Variants in ZC3H12D observed in about 807,000 individuals in gnomAD.
ZC3H12D encodes the protein zinc finger CCCH-type containing 12D, also known as probable ribonuclease ZC3H12D.
ZC3H12D carries 11 observed loss-of-function variants against 24.2 expected under a neutral mutation model. The observed-to-expected ratio is 0.46, with a 90% confidence interval of 0.29 to 0.75. ZC3H12D has a LOEUF of 0.75. Ranked by LOEUF, ZC3H12D falls within the 30% of genes least tolerant of loss-of-function variation. The pLI is 0.11. For synonymous variants in ZC3H12D, 333 were observed against 341.8 expected (o/e 0.97, Z 0.28); for missense variants, 740 against 767.7 (o/e 0.96, Z 0.43).
chr6:149,449,906 T>C lies in ZC3H12D; in HGVS notation c.*777A>G, dbSNP rs1176338018. ...TATGTGTCTGTGTGGTGTGTGTGAG[T>C]ATGTACATGTATGATAGACTGTGTG... is the stretch of plus-strand genomic sequence containing the variant. On this transcript the variant is annotated 3_prime_UTR_variant, in exon 6 of 6. Coordinates refer to ENST00000409806, the MANE Select transcript of ZC3H12D (RefSeq NM_207360.3). The C allele has an allele frequency of 7.4e-6, 1 of 134,768 alleles. No homozygotes were observed. The highest frequency in any genetic ancestry group is 1.6e-5 in the Non-Finnish European group (1 of 63,102). The allele number at this position is 134,768 out of a possible 1,614,324, so 8.3% of individuals were successfully genotyped here.
At chr6:149,454,182 TGGAGCCCTAATGA>T (rs1436092867) in intron 4 of ZC3H12D, among the ~76,000 whole-genome samples, 2 of 152,214 alleles carry the variant, frequency 1.3e-5, no homozygotes, top group East Asian at 3.8e-4. Context: ...CTCCCTGGCA[TGGAGCCCTAATGA>T]GGAAGGGAAT....
In ZC3H12D at chr6:149,451,306, C is replaced by A; in HGVS notation, c.961G>T (p.Ala321Ser). 1 of 1,327,188 alleles carries A rather than the reference C, an allele frequency of 7.5e-7. No homozygotes were observed. The highest frequency in any genetic ancestry group is 9.5e-7 in the Non-Finnish European group (1 of 1,048,478). 82.2% of individuals were successfully genotyped at this position (1,327,188 alleles called of 1,614,324 possible). A position where few individuals can be genotyped will look rare whatever the true frequency, so the allele number is the denominator to read the frequency against. Residue 321 changes from alanine (A) to serine (S), a missense_variant, in exon 6 of 6, where the codon GCC becomes TCC. Ala to Ser is a moderately conservative substitution (Grantham distance 99, BLOSUM62 1). Coordinates refer to ENST00000409806, the MANE Select transcript of ZC3H12D (RefSeq NM_207360.3). ...CTGTGCGCAAATGGTTCCCGGGGGG[C>A]CGCCCGGGCTCCTGCGGAGCCGCCC... ...APGGSAGARAAPREPFAHSLP... is the reference protein window; with the variant it reads ...APGGSAGARASPREPFAHSLP...
At chr6:149,478,534 G>A (rs1239880252) in intron 1 of ZC3H12D, among the ~76,000 whole-genome samples, 2 of 152,056 alleles carry the variant, frequency 1.3e-5, no homozygotes, top group Non-Finnish European at 2.9e-5. Context: ...CATATCCAGC[G>A]ATAGATAGAA....
In ZC3H12D at chr6:149,450,981, G is replaced by T; in HGVS notation, c.1286C>A (p.Pro429Gln). 1.3e-6 allele frequency: 2 copies of T among 1,520,874 alleles called. No homozygotes were observed. Among genetic ancestry groups the T allele is most frequent in the Non-Finnish European group, 1.8e-6 (2 of 1,137,654 alleles). The allele number at this position is 1,520,874 out of a possible 1,614,324, so 94.2% of individuals were successfully genotyped here. Residue 429 changes from proline (P) to glutamine (Q), a missense_variant, in exon 6 of 6, where the codon CCG becomes CAG. Transcript: ENST00000409806. ...CCACGGGTCGTCGGGTGGCCTGCGC[G>T]GGGAAAGCAAGTCGCCGTGCAGGTC... ...PRDLHGDLLS[P>Q]RRPPDDPWAR...
chr6:149,455,957 A>AC (rs1315158205), intron 4 of ZC3H12D, among the ~76,000 whole-genome samples: 76 of 151,456 alleles, frequency 5.0e-4, no homozygotes, highest in African/African-American at 1.6e-3. Flanking sequence ...TTTGATTTAA[A>AC]AAAAAAAAAA....
At chr6:149,464,961 T>C (rs756865721) in intron 2 of ZC3H12D, among the ~76,000 whole-genome samples, 1 of 152,178 alleles carries the variant, frequency 6.6e-6, no homozygotes, top group Non-Finnish European at 1.5e-5. Context: ...AGCCAACCCA[T>C]ATGCAGACAA....
chr6:149,457,680 G>T (rs1776005779), intron 3 of ZC3H12D, among the ~76,000 whole-genome samples: 1 of 152,190 alleles, frequency 6.6e-6, no homozygotes, highest in South Asian at 2.1e-4. Context: ...ACATGCACCA[G>T]ATGGTACAAA....
At chr6:149,473,076 G>C (rs1026043073) in intron 2 of ZC3H12D, among the ~76,000 whole-genome samples, 1 of 151,552 alleles carries the variant, frequency 6.6e-6, no homozygotes, top group Non-Finnish European at 1.5e-5. Context: ...AGGAGAAAGA[G>C]AGGGCTCCAT....
chr6:149,464,391 G>T (rs1215081678), intron 2 of ZC3H12D, among the ~76,000 whole-genome samples: 1 of 152,140 alleles, frequency 6.6e-6, no homozygotes, highest in Non-Finnish European at 1.5e-5. Flanking sequence ...AAATCAACTG[G>T]ACTCAGCCAT....
rs1469388599 is a variant in ZC3H12D at position 149,478,118 on chromosome 6, G to C, written c.-70-3505C>G. 3.4e-5 allele frequency among the ~76,000 whole-genome samples: 5 copies of C among 146,484 alleles called. No individual in the cohort carries two copies. In the East Asian group the frequency reaches 9.9e-4, roughly 29 times the overall value. ...GGAGGGAGAGGTTGTGGTAAGCCGG[G>C]ATCATGCCACTGCACTCCAGCCTGG... On this transcript the variant is annotated intron_variant, in intron 1 of 5. Coordinates refer to ENST00000409806, the MANE Select transcript of ZC3H12D (RefSeq NM_207360.3).
chr6:149,478,771 A>C (rs1776380564), intron 1 of ZC3H12D, among the ~76,000 whole-genome samples: 1 of 151,782 alleles, frequency 6.6e-6, no homozygotes. Context: ...TCTATCTCCT[A>C]CTGTCCTCTG....
chr6:149,453,287 G>A (rs1583183584), intron 4 of ZC3H12D, among the ~76,000 whole-genome samples: 1 of 127,066 alleles, frequency 7.9e-6, no homozygotes, highest in East Asian at 2.6e-4. Flanking sequence ...GTAACAGAGT[G>A]AGATCCTGGC....
chr6:149,451,466 G>A lies in ZC3H12D; in HGVS notation c.801C>T (p.Thr267=). 6.4e-7 allele frequency: 1 copy of A among 1,573,420 alleles called. No homozygotes were observed. The highest frequency in any genetic ancestry group is 8.6e-7 in the Non-Finnish European group (1 of 1,169,486). ...WQHCPYGKKC[T]YGIKCKFYHP... is the part of the protein sequence containing the mutation. The stretch of plus-strand genomic sequence containing the variant: ...GGTAGAACTTGCACTTGATGCCATA[G>A]GTGCATTTCTTGCCTGAAAGGGGCG... The change falls in exon 6 of 6, where the codon ACC becomes ACT. Residue 267 remains threonine, a synonymous_variant. Transcript: ENST00000409806.
At chr6:149,459,445 C>G (rs1248556018) in intron 3 of ZC3H12D, 8 of 597,854 alleles carry the variant, frequency 1.3e-5, no homozygotes, top group Non-Finnish European at 2.4e-5. Context: ...TTTGGGAAGA[C>G]AGAAAGCAGA....
chr6:149,447,137 C>G lies in ZC3H12D; in HGVS notation c.*3546G>C, dbSNP rs927307994. 9.2e-5 allele frequency: 14 copies of G among 152,304 alleles called. No homozygotes were observed. The highest frequency in any genetic ancestry group is 3.1e-4 in the African/African-American group (13 of 41,464). 9.4% of individuals were successfully genotyped at this position (152,304 alleles called of 1,614,324 possible). A position where few individuals can be genotyped will look rare whatever the true frequency, so the allele number is the denominator to read the frequency against. ...AAGGGAGGTCCTTGCCATGGCCTCA[C>G]TGCTTCTCCTGGAAAAGGTGGATTT... On this transcript the variant is annotated 3_prime_UTR_variant, in exon 6 of 6. Transcript: ENST00000409806.
At position 149,458,111 on chromosome 6, in the gene ZC3H12D, C is replaced by CT. The variant is rs57317596; in HGVS notation, c.446-1212dup. 6.5e-4 allele frequency among the ~76,000 whole-genome samples: 52 copies of CT among 80,236 alleles called. 1 individual carries two copies. The highest frequency in any genetic ancestry group is 1.8e-3 in the South Asian group (4 of 2,168). The allele number at this position is 80,236 out of a possible 152,430, so 52.6% of individuals were successfully genotyped here. A position where few individuals can be genotyped will look rare whatever the true frequency, so the allele number is the denominator to read the frequency against. ...AGAATCATTTTCTTTCTTTCTTTTTCTTTTTTTTTTTCGTTTCTTTTTTTT... is the reference window on the plus strand; with the variant it reads ...AGAATCATTTTCTTTCTTTCTTTTTCTTTTTTTTTTTTCGTTTCTTTTTTTT... On this transcript the variant is annotated intron_variant, in intron 3 of 5. Transcript: ENST00000409806.
rs1371584415 is a variant in ZC3H12D at position 149,451,303 on chromosome 6, G to A, written c.964C>T (p.Pro322Ser). 2.3e-6 allele frequency: 3 copies of A among 1,327,320 alleles called. No individual in the cohort carries two copies. Among genetic ancestry groups the A allele is most frequent in the African/African-American group, 1.5e-5 (1 of 64,542 alleles). The allele number at this position is 1,327,320 out of a possible 1,614,324, so 82.2% of individuals were successfully genotyped here. A position where few individuals can be genotyped will look rare whatever the true frequency, so the allele number is the denominator to read the frequency against. ...PGGSAGARAA[P>S]REPFAHSLPP... Reference sequence around the variant, plus strand: ...AGGCTGTGCGCAAATGGTTCCCGGGGGGCCGCCCGGGCTCCTGCGGAGCCG... The same window carrying A: ...AGGCTGTGCGCAAATGGTTCCCGGGAGGCCGCCCGGGCTCCTGCGGAGCCG... Residue 322 changes from proline to serine, a missense_variant, in exon 6 of 6, where the codon CCC (proline) becomes TCC (serine). By Grantham distance (74) the Pro-to-Ser change is moderately conservative (BLOSUM62 -1). Coordinates refer to ENST00000409806, the MANE Select transcript of ZC3H12D (RefSeq NM_207360.3).
At position 149,449,951 on chromosome 6, in the gene ZC3H12D, G is replaced by A; in HGVS notation, c.*732C>T. On this transcript the variant is annotated 3_prime_UTR_variant, in exon 6 of 6. Coordinates refer to ENST00000409806, the MANE Select transcript of ZC3H12D (RefSeq NM_207360.3). The stretch of plus-strand genomic sequence containing the variant: ...TGTGTGTGTGTGTGTGTGTGTGTGT[G>A]TGTGTTTGTGTGGTGGGGGTATGTG... The A allele has an allele frequency of 6.5e-6, 1 of 153,640 alleles. No individual in the cohort carries two copies. The highest frequency in any genetic ancestry group is 1.4e-5 in the Non-Finnish European group (1 of 69,228). 9.5% of individuals were successfully genotyped at this position (153,640 alleles called of 1,614,324 possible). A position where few individuals can be genotyped will look rare whatever the true frequency, so the allele number is the denominator to read the frequency against.
intron 3 of ZC3H12D, chr6:149,459,423 A>C (rs557772855): frequency 1.0e-5 from 6 of 586,270 alleles, no homozygotes; most frequent in African/African-American, 7.5e-5. Flanking sequence ...CAAACCCAGG[A>C]TTTTGACATA....
Sources: allele counts gnomAD v4.1 joint callset (sites outside exome capture counted in the v4.1 genomes callset), GRCh38; gene constraint gnomAD v4.1.1; transcripts MANE v1.5; gene names NCBI Gene and HGNC (gene_info 2026-07-23, HGNC 2026-07-21).